The following TPSD1 variants were observed in gnomAD, a reference collection of about 807,000 sequenced individuals.
TPSD1 encodes the protein tryptase delta 1, also known as tryptase delta.
TPSD1 carries 30 observed loss-of-function variants against 25.4 expected under a neutral mutation model. That is an observed-to-expected ratio of 1.18 (90% CI 0.88 to 1.60). The LOEUF (loss-of-function observed/expected upper bound fraction) is 1.60. Ranked by LOEUF, TPSD1 falls within the 40% of genes most tolerant of loss-of-function variation. TPSD1 has a pLI of 0.00. For synonymous variants in TPSD1, 176 were observed against 149.4 expected, an observed-to-expected ratio of 1.18 and a Z score of -1.30; for missense variants, 420 against 324.2, an observed-to-expected ratio of 1.30 and a Z score of -2.27.
At position 1,256,962 on chromosome 16, in the gene TPSD1, C is replaced by A. The variant is rs763361253; in HGVS notation, c.420C>A (p.Ile140=). The A allele has an allele frequency of 6.2e-7, 1 of 1,613,744 alleles. No individual in the cohort carries two copies. The highest frequency in any genetic ancestry group is 8.5e-7 in the Non-Finnish European group (1 of 1,179,990). Residue 140 remains isoleucine, a synonymous_variant, in exon 3 of 5, where the codon ATC becomes ATA. Coordinates refer to ENST00000211076, the MANE Select transcript of TPSD1 (RefSeq NM_012217.3). ...ALLELEEPVN[I]SSHIHTVTLP... ...TGGAGCTGGAGGAGCCCGTGAACAT[C>A]TCCAGCCACATCCACACGGTCACGC...
chr16:1,258,269 A>G (rs1184962396), intron 4 of TPSD1, 47 bp downstream of exon 4: 3 of 1,611,018 alleles, frequency 1.9e-6, no homozygotes, highest in Middle Eastern at 1.7e-4. Context: ...CTGGCCAGCG[A>G]GCGCATCCCT....
intron 4 of TPSD1, 45 bp downstream of exon 4, chr16:1,258,267 C>T (rs558956181): frequency 2.1e-5 from 34 of 1,611,388 alleles, no homozygotes; most frequent in East Asian, 6.7e-5. Context: ...GCCTGGCCAG[C>T]GAGCGCATCC....
rs369719115 is a variant in TPSD1 at position 1,258,069 on chromosome 16, G to A, written c.531G>A (p.Pro177=). Residue 177 remains proline, a synonymous_variant, in exon 4 of 5, where the codon CCG becomes CCA. Transcript: ENST00000211076. The stretch of plus-strand genomic sequence containing the variant: ...CCCCTCCGCCCCCAGTGCACCTGCC[G>A]CCGCCATACCCGCTGAAGGAGGTGG... ...WGDVDNNVHL[P]PPYPLKEVEV... is the part of the protein sequence containing the mutation. 98 of 1,582,638 alleles carry A rather than the reference G, an allele frequency of 6.2e-5. 1 individual carries two copies. The African/African-American group carries it at 9.7e-4, about 16-fold the overall frequency.
intron 3 of TPSD1, chr16:1,257,834 C>A: frequency 1.7e-6 from 1 of 602,764 alleles, no homozygotes; most frequent in Non-Finnish European, 2.9e-6. Flanking sequence ...ACCTCCAGGG[C>A]CCTCCCCTCC....
rs765732815 is a variant in TPSD1 at position 1,256,831 on chromosome 16, C to T, written c.289C>T (p.Leu97=). The change falls in exon 3 of 5, where the codon CTG becomes TTG. Residue 97 remains leucine, a synonymous_variant. Coordinates refer to ENST00000211076, the MANE Select transcript of TPSD1 (RefSeq NM_012217.3). ...IKDLAALRVQ[L]REQHLYYQDQ... is the part of the protein sequence containing the mutation. ...GGATCTGGCCGCCCTCAGGGTGCAA[C>T]TGCGGGAGCAGCACCTCTACTACCA... 2 of 1,612,932 alleles carry T rather than the reference C, an allele frequency of 1.2e-6. No individual in the cohort carries two copies. The highest frequency in any genetic ancestry group is 4.5e-5 in the East Asian group (2 of 44,894).
rs148323184 is a variant in TPSD1, at chr16:1,258,129, G to A, written c.591G>A (p.Ala197=). The change falls in exon 4 of 5, where the codon GCG becomes GCA. Residue 197 remains alanine (A), a synonymous_variant. Transcript: ENST00000211076. The stretch of plus-strand genomic sequence containing the variant: ...TAGTGGAAAACCACCTTTGCAACGC[G>A]GAATATCACACCGGCCTCCATACGG... ...VPVVENHLCN[A]EYHTGLHTGH... 7.9e-5 allele frequency: 128 copies of A among 1,610,118 alleles called. No individual in the cohort carries two copies. Among genetic ancestry groups the A allele is most frequent in the South Asian group, 3.2e-4 (29 of 90,534 alleles).
Position 1,258,400 on chromosome 16 carries a change from G to A in TPSD1, c.*24G>A, listed in dbSNP as rs367905008. ...AACTGCAGGCGGGCGTGGTCAGCTG[G>A]GAGGAGAGCTGTGCCCAGCCCAACC... On this transcript the variant is annotated 3_prime_UTR_variant, in exon 5 of 5. Coordinates refer to ENST00000211076, the MANE Select transcript of TPSD1 (RefSeq NM_012217.3). The A allele has an allele frequency of 1.2e-6, 2 of 1,612,826 alleles. No individual in the cohort carries two copies. The highest frequency in any genetic ancestry group is 1.7e-6 in the Non-Finnish European group (2 of 1,179,902).
chr16:1,256,796 G>A lies in TPSD1; in HGVS notation c.255-1G>A. ...CCTGAGTGGGATCCTCCGCTGCCCA[G>A]GGACATCAAGGATCTGGCCGCCCTC... is the stretch of plus-strand genomic sequence containing the variant. On this transcript the variant is annotated splice_acceptor_variant, in intron 2 of 4. Coordinates refer to ENST00000211076, the MANE Select transcript of TPSD1 (RefSeq NM_012217.3). LOFTEE classifies it high-confidence loss of function. The A allele has an allele frequency of 1.9e-6, 3 of 1,612,394 alleles. No individual in the cohort carries two copies. The highest frequency in any genetic ancestry group is 2.5e-6 in the Non-Finnish European group (3 of 1,179,904).
At chr16:1,257,101 C>T (rs762766563) in intron 3 of TPSD1, 39 bp downstream of exon 3, 1 of 1,551,078 alleles carries the variant, frequency 6.4e-7, no homozygotes, top group Non-Finnish European at 8.7e-7. Flanking sequence ...GCCAGGTGGG[C>T]ACCAAGTCAC....
intron 1 of TPSD1, 46 bp downstream of exon 1, chr16:1,256,408 G>C (rs905568371): frequency 1.6e-5 from 26 of 1,611,470 alleles, no homozygotes; most frequent in Middle Eastern, 3.8e-4. Context: ...ACATTCCACA[G>C]ATCAGGGCCT....
chr16:1,256,474 G>C, intron 1 of TPSD1, 42 bp from the exon 2 acceptor site: 1 of 1,607,008 alleles, frequency 6.2e-7, no homozygotes, highest in Non-Finnish European at 8.5e-7. Flanking sequence ...CTGGTCCCAG[G>C]CGTGGGGCGG....
chr16:1,256,087 C>T lies in TPSD1; in HGVS notation c.-194C>T, dbSNP rs1341184977. 2.1e-6 allele frequency: 2 copies of T among 953,194 alleles called. No individual in the cohort carries two copies. Among genetic ancestry groups the T allele is most frequent in the African/African-American group, 3.3e-5 (2 of 60,096 alleles). The allele number at this position is 953,194 out of a possible 1,614,324, so 59.0% of individuals were successfully genotyped here. ...GCTGGGTAGAAGGAACAGGGAGTGGCCAGGGTAAGTCCCTACTCTCAGAGA... is the reference window on the plus strand; with the variant it reads ...GCTGGGTAGAAGGAACAGGGAGTGGTCAGGGTAAGTCCCTACTCTCAGAGA... On this transcript the variant is annotated 5_prime_UTR_variant, in exon 1 of 5. Coordinates refer to ENST00000211076, the MANE Select transcript of TPSD1 (RefSeq NM_012217.3).
rs2030992387 is a variant in TPSD1, at chr16:1,257,102, A to C, written c.520+40A>C. The C allele has an allele frequency of 3.9e-6, 6 of 1,550,544 alleles. No individual in the cohort carries two copies. The African/African-American group carries it at 4.0e-5, about 10-fold the overall frequency. On this transcript the variant is annotated intron_variant, in intron 3 of 4. Coordinates refer to ENST00000211076, the MANE Select transcript of TPSD1 (RefSeq NM_012217.3). The stretch of plus-strand genomic sequence containing the variant: ...CAGCGGGAGGCCGGGCCAGGTGGGC[A>C]CCAAGTCACAGCCACAGGCCAGTCC...
At position 1,256,181 on chromosome 16, in the gene TPSD1, G is replaced by C. The variant is rs1162150878; in HGVS notation, c.-100G>C. ...ACTCAGAGCACCAAGACCCAGGCCCGCAGGCCTGGACCCACCCCGGTCCCC... is the reference window on the plus strand; with the variant it reads ...ACTCAGAGCACCAAGACCCAGGCCCCCAGGCCTGGACCCACCCCGGTCCCC... On this transcript the variant is annotated 5_prime_UTR_variant, in exon 1 of 5. Transcript: ENST00000211076. 6.4e-7 allele frequency: 1 copy of C among 1,563,260 alleles called. No individual in the cohort carries two copies. The highest frequency in any genetic ancestry group is 1.8e-5 in the Admixed American group (1 of 55,452).
chr16:1,258,050 C>T lies in TPSD1; in HGVS notation c.521-9C>T, dbSNP rs372521181. 553 of 1,567,454 alleles carry T rather than the reference C, an allele frequency of 3.5e-4. 3 individuals are homozygous for T. The African/African-American group carries it at 6.7e-3, about 19-fold the overall frequency. ...CCAGACCCGGCTCCACGCCCCCCTC[C>T]GCCCCCAGTGCACCTGCCGCCGCCA... On this transcript the variant is annotated splice_polypyrimidine_tract_variant and intron_variant, in intron 3 of 4. Transcript: ENST00000211076.
At chr16:1,258,027 A>G (rs2031011502) in intron 3 of TPSD1, 32 bp from the exon 4 acceptor site, 7 of 1,551,970 alleles carry the variant, frequency 4.5e-6, no homozygotes, top group Non-Finnish European at 6.1e-6. Flanking sequence ...AGCCGGCCCC[A>G]GACCCGGCTC....
In TPSD1 at chr16:1,256,808, A is replaced by G; in HGVS notation, c.266A>G (p.Asp89Gly). 6.2e-7 allele frequency: 1 copy of G among 1,612,444 alleles called. No individual in the cohort carries two copies. Among genetic ancestry groups the G allele is most frequent in the Non-Finnish European group, 8.5e-7 (1 of 1,179,910 alleles). The change falls in exon 3 of 5, where the codon GAT becomes GGT. Residue 89 changes from aspartate to glycine, a missense_variant. Transcript: ENST00000211076. The stretch of plus-strand genomic sequence containing the variant: ...CCTCCGCTGCCCAGGGACATCAAGG[A>G]TCTGGCCGCCCTCAGGGTGCAACTG... ...AAHCVEPDIK[D>G]LAALRVQLRE...
In TPSD1 at chr16:1,256,653, C is replaced by T. The variant is rs149185735; in HGVS notation, c.220C>T (p.Gln74Ter). ...HFCGGSLIHPQWVLTAAHCVE... is the reference protein window; with the variant it reads ...HFCGGSLIHP Reference sequence around the variant, plus strand: ...CTGCGGGGGCTCCCTCATCCACCCCCAGTGGGTGCTAACCGCGGCGCACTG... The same window carrying T: ...CTGCGGGGGCTCCCTCATCCACCCCTAGTGGGTGCTAACCGCGGCGCACTG... The change falls in exon 2 of 5, where the codon CAG becomes TAG. Residue 74 changes from glutamine to a stop codon, truncating the protein, a stop_gained. Transcript: ENST00000211076. LOFTEE classifies it high-confidence loss of function. 259 of 1,612,576 alleles carry T rather than the reference C, an allele frequency of 1.6e-4. No individual in the cohort carries two copies. The highest frequency in any genetic ancestry group is 2.2e-4 in the Admixed American group (13 of 59,958).
At chr16:1,257,444 T>G in intron 3 of TPSD1, 1 of 298,280 alleles carries the variant, frequency 3.4e-6, no homozygotes, top group Non-Finnish European at 6.3e-6. Context: ...ATCCCTGTGC[T>G]ACAGACAAGG....
Sources: allele counts gnomAD v4.1 joint callset, GRCh38; gene constraint gnomAD v4.1.1; transcripts MANE v1.5; gene names NCBI Gene and HGNC (gene_info 2026-07-23, HGNC 2026-07-21).